BLTP3B: variants seen among roughly 807,000 people sequenced by gnomAD.
BLTP3B encodes bridge-like lipid transfer protein family member 3B, also known as UHRF1 (ICBP90) binding protein 1-like.
the BLTP3B span, among the ~76,000 whole-genome samples, chr12:100,041,524 C>A: frequency 6.6e-6 from 1 of 150,534 alleles, no homozygotes; most frequent in Non-Finnish European, 1.5e-5. Flanking sequence ...GCAACCACCG[C>A]CTCCTGGGTT....
chr12:100,047,732 T>C, the BLTP3B span: 1 of 1,115,784 alleles, frequency 9.0e-7, no homozygotes, highest in African/African-American at 1.6e-5. Context: ...ATGTTTCAGC[T>C]GATATAGCGA....
the BLTP3B span, among the ~76,000 whole-genome samples, chr12:100,061,670 A>AG: frequency 6.6e-6 from 1 of 151,882 alleles, no homozygotes; most frequent in East Asian, 1.9e-4. Flanking sequence ...AAAAAAAAAA[A>AG]AAAAAAGAAA....
the BLTP3B span, among the ~76,000 whole-genome samples, chr12:100,107,614 A>G: frequency 1.3e-5 from 2 of 152,144 alleles, no homozygotes; most frequent in Admixed American, 6.5e-5. Flanking sequence ...CAGCCTGGTG[A>G]CAGAGCAAGA....
At chr12:100,124,295 A>G in the BLTP3B span, among the ~76,000 whole-genome samples, 2 of 151,928 alleles carry the variant, frequency 1.3e-5, no homozygotes, top group African/African-American at 4.8e-5. Flanking sequence ...TAAATAAATA[A>G]AAACCATTAA....
the BLTP3B span, among the ~76,000 whole-genome samples, chr12:100,040,688 AAAC>A: frequency 2.0e-5 from 3 of 152,096 alleles, no homozygotes; most frequent in Admixed American, 6.6e-5. Context: ...TCCGTCTCAA[AAAC>A]AACAACAACA....
At chr12:100,082,892 AATATGGCCAT>A in the BLTP3B span, 1 of 668,678 alleles carries the variant, frequency 1.5e-6, no homozygotes. Flanking sequence ...TATGCCATCT[AATATGGCCAT>A]TTCATAAACC....
At chr12:100,101,237 C>T in the BLTP3B span, among the ~76,000 whole-genome samples, 1 of 152,260 alleles carries the variant, frequency 6.6e-6, no homozygotes, top group Admixed American at 6.5e-5. Context: ...ATAAACTGCA[C>T]ATCTGATAAA....
chr12:100,071,186 G>A, the BLTP3B span, among the ~76,000 whole-genome samples: 2 of 152,026 alleles, frequency 1.3e-5, no homozygotes, highest in East Asian at 3.9e-4. Flanking sequence ...AGAAAAGAGG[G>A]CAACATTTAG....
At chr12:100,095,816 C>A in the BLTP3B span, 2 of 1,608,830 alleles carry the variant, frequency 1.2e-6, no homozygotes, top group Admixed American at 3.4e-5. Context: ...AACTTTGTTG[C>A]TATGACATTG....
the BLTP3B span, among the ~76,000 whole-genome samples, chr12:100,082,285 T>C: frequency 6.6e-6 from 1 of 152,250 alleles, no homozygotes; most frequent in Admixed American, 6.5e-5. Context: ...TCAATTTCCT[T>C]ATAGGTTCTG....
the BLTP3B span, chr12:100,083,115 T>A: frequency 6.2e-7 from 1 of 1,613,438 alleles, no homozygotes; most frequent in African/African-American, 1.3e-5. Flanking sequence ...TGCATGTCCC[T>A]TTCAGAGGGT....
chr12:100,116,641 T>C, the BLTP3B span, among the ~76,000 whole-genome samples: 2 of 152,108 alleles, frequency 1.3e-5, no homozygotes, highest in Admixed American at 6.6e-5. Context: ...AAATTACGTG[T>C]AATGAGAAAA....
chr12:100,044,933 C>A, the BLTP3B span, among the ~76,000 whole-genome samples: 1 of 151,698 alleles, frequency 6.6e-6, no homozygotes, highest in Non-Finnish European at 1.5e-5. Context: ...GCAAAAATCA[C>A]AAGCATTCCT....
chr12:100,132,722 G>C, the BLTP3B span, among the ~76,000 whole-genome samples: 1 of 142,360 alleles, frequency 7.0e-6, no homozygotes, highest in Non-Finnish European at 1.5e-5. Context: ...CAAGGCAGGT[G>C]GATCACTTGA....
the BLTP3B span, among the ~76,000 whole-genome samples, chr12:100,091,465 G>A: frequency 6.6e-6 from 1 of 151,428 alleles, no homozygotes; most frequent in Non-Finnish European, 1.5e-5. Context: ...TGGGATTTCA[G>A]GCGTGAGCCA....
the BLTP3B span, chr12:100,059,849 C>G: frequency 6.2e-7 from 1 of 1,605,762 alleles, no homozygotes; most frequent in African/African-American, 1.3e-5. Context: ...TTGTATGATA[C>G]CTTTAGCATT....
At chr12:100,097,877 G>GT in the BLTP3B span, among the ~76,000 whole-genome samples, 1 of 152,122 alleles carries the variant, frequency 6.6e-6, no homozygotes, top group East Asian at 1.9e-4. Flanking sequence ...ATTTACTAGA[G>GT]TAAAGACATT....
At chr12:100,038,170 A>G in the BLTP3B span, among the ~76,000 whole-genome samples, 1 of 152,028 alleles carries the variant, frequency 6.6e-6, no homozygotes, top group African/African-American at 2.4e-5. Flanking sequence ...ACTTTTTAAG[A>G]ACTCTTAAAA....
chr12:100,121,954 A>G, the BLTP3B span, among the ~76,000 whole-genome samples: 6,337 of 152,108 alleles, frequency 0.042, 283 homozygotes, highest in African/African-American at 0.11. Flanking sequence ...ACACACATAT[A>G]TGTGTATATA....
Sources: allele counts gnomAD v4.1 joint callset (sites outside exome capture counted in the v4.1 genomes callset), GRCh38; gene constraint gnomAD v4.1.1; transcripts MANE v1.5; gene names NCBI Gene and HGNC (gene_info 2026-07-23, HGNC 2026-07-21).